The following ACOT8 variants were observed in gnomAD, a reference collection of about 807,000 sequenced individuals.
The protein encoded by ACOT8 is acyl-CoA thioesterase 8, also known as acyl-coenzyme A thioesterase 8.
ACOT8 carries 31 observed loss-of-function variants against 38.4 expected under a neutral mutation model. That is an observed-to-expected ratio of 0.81 (90% confidence interval 0.61 to 1.09). The LOEUF (loss-of-function observed/expected upper bound fraction) is 1.09, where lower values mean the gene tolerates loss of function less well. Ranked by LOEUF, ACOT8 falls within the 50% of genes least tolerant of loss-of-function variation. The pLI is 0.00. For synonymous variants in ACOT8, 158 were observed against 170.3 expected, an observed-to-expected ratio of 0.93 and a Z score of 0.56; for missense variants, 373 against 421.8, an observed-to-expected ratio of 0.88 and a Z score of 1.01.
At chr20:45,843,020 G>A (rs6017703) in intron 5 of ACOT8, 45 of 1,097,648 alleles carry the variant, frequency 4.1e-5, no homozygotes, top group Middle Eastern at 8.7e-4. Flanking sequence ...TGAATGCCCC[G>A]ATCCCAATCA....
intron 2 of ACOT8, among the ~76,000 whole-genome samples, chr20:45,849,472 A>G: frequency 1.2e-5 from 1 of 84,054 alleles, no homozygotes; most frequent in Admixed American, 1.4e-4. Context: ...TTTTTTTGAG[A>G]GACAGTTTCG....
At chr20:45,844,169 C>T in intron 4 of ACOT8, 94 bp downstream of exon 4, 1 of 1,542,416 alleles carries the variant, frequency 6.5e-7, no homozygotes. Flanking sequence ...GGAAACAGGC[C>T]CAGAGAAGGG....
chr20:45,854,039 T>A (rs1051917531), intron 2 of ACOT8: 12 of 1,197,256 alleles, frequency 1.0e-5, no homozygotes, highest in Non-Finnish European at 1.2e-5. Flanking sequence ...GTTTGTTTTT[T>A]AGCATAGGTT....
chr20:45,856,281 T>C (rs1410846787), intron 1 of ACOT8, among the ~76,000 whole-genome samples: 3 of 151,222 alleles, frequency 2.0e-5, no homozygotes, highest in Non-Finnish European at 4.4e-5. Context: ...AAAAATCAAA[T>C]AGCCCTCCAA....
intron 1 of ACOT8, 24 bp downstream of exon 1, chr20:45,857,164 T>TG (rs1341458213): frequency 1.2e-6 from 2 of 1,605,598 alleles, no homozygotes; most frequent in Admixed American, 3.4e-5. Context: ...AAGGAGGGGA[T>TG]GCTGGGCAGG....
chr20:45,848,699 T>C, intron 2 of ACOT8, 24 bp from the exon 3 acceptor site: 1 of 1,578,634 alleles, frequency 6.3e-7, no homozygotes, highest in Non-Finnish European at 8.6e-7. Context: ...AAGGACACAG[T>C]GGGTCCACAG....
intron 2 of ACOT8, chr20:45,854,122 A>AT: frequency 1.9e-6 from 1 of 514,780 alleles, no homozygotes; most frequent in Non-Finnish European, 3.2e-6. Context: ...CTGGTCTTGA[A>AT]TTCCTGGGTT....
At chr20:45,842,792 TATCA>T (rs2145755976) in intron 5 of ACOT8, 2 of 990,458 alleles carry the variant, frequency 2.0e-6, no homozygotes, top group South Asian at 9.2e-5. Flanking sequence ...ACTTCAAGGT[TATCA>T]ATCTTGGATT....
chr20:45,852,050 C>T (rs866017925), intron 2 of ACOT8, among the ~76,000 whole-genome samples: 1 of 152,004 alleles, frequency 6.6e-6, no homozygotes, highest in Admixed American at 6.6e-5. Context: ...AGTGCAGTGG[C>T]GCAGTTTTAG....
rs1451549529 is a variant in ACOT8, at chr20:45,855,163, C to A, written c.258G>T (p.Arg86=). The A allele has an allele frequency of 6.2e-7, 1 of 1,613,832 alleles. No individual in the cohort carries two copies. The highest frequency in any genetic ancestry group is 8.5e-7 in the Non-Finnish European group (1 of 1,179,868). The change falls in exon 2 of 6, where the codon CGG becomes CGT. Residue 86 remains arginine (R), a synonymous_variant. Transcript: ENST00000217455. ...HVHSLHCYFV[R]AGDPKLPVLY... ...GGCAGGAAGTGGGGGGTTTACCTGC[C>A]CGAACAAAGTAGCAGTGCAGGGAGT...
chr20:45,851,235 T>C (rs1340352833), intron 2 of ACOT8, among the ~76,000 whole-genome samples: 3 of 152,080 alleles, frequency 2.0e-5, no homozygotes, highest in Admixed American at 6.6e-5. Context: ...TCTATCAGAG[T>C]GCGAGCTCCT....
At chr20:45,842,301 A>G (rs1984260691) in intron 5 of ACOT8, 1 of 1,422,540 alleles carries the variant, frequency 7.0e-7, no homozygotes, top group Non-Finnish European at 9.1e-7. Context: ...ACAGTTTAAA[A>G]GCACTTTCAC....
rs761756346 is a variant in ACOT8, at chr20:45,857,346, G to A, written c.-31C>T. The stretch of plus-strand genomic sequence containing the variant: ...TCAATGCTGCAGGCCCTGCACACCC[G>A]CTCCGCGGAAGACGCGGAGACATAC... On this transcript the variant is annotated 5_prime_UTR_variant, in exon 1 of 6. Transcript: ENST00000217455. The A allele has an allele frequency of 3.2e-6, 5 of 1,571,274 alleles. No homozygotes were observed. Among genetic ancestry groups the A allele is most frequent in the Admixed American group, 1.9e-5 (1 of 53,176 alleles).
intron 5 of ACOT8, chr20:45,842,492 C>T (rs142149329): frequency 3.6e-5 from 37 of 1,022,948 alleles, no homozygotes; most frequent in Admixed American, 5.2e-5. Context: ...AATATCCCCA[C>T]TACCACCACC....
At chr20:45,846,165 T>C (rs1052539170) in intron 3 of ACOT8, among the ~76,000 whole-genome samples, 2 of 152,216 alleles carry the variant, frequency 1.3e-5, no homozygotes, top group Non-Finnish European at 2.9e-5. Context: ...TAATGTAATA[T>C]AGCCACGAGT....
chr20:45,855,126 G>A (rs1430846120), intron 2 of ACOT8, 33 bp downstream of exon 2: 20 of 1,610,486 alleles, frequency 1.2e-5, no homozygotes, highest in Non-Finnish European at 1.6e-5. Flanking sequence ...TGGGCCACCA[G>A]GGTTGGGTTG....
intron 1 of ACOT8, among the ~76,000 whole-genome samples, chr20:45,855,968 C>T (rs567999084): frequency 2.6e-5 from 4 of 152,204 alleles, no homozygotes; most frequent in South Asian, 4.2e-4. Flanking sequence ...GAGTTATGAA[C>T]AGCCCTCCAT....
chr20:45,845,619 A>G (rs558071594), intron 3 of ACOT8, among the ~76,000 whole-genome samples: 2 of 152,204 alleles, frequency 1.3e-5, no homozygotes, highest in African/African-American at 4.8e-5. Flanking sequence ...ACTCCCTTCA[A>G]TACAGTGACA....
intron 5 of ACOT8, 199 bp downstream of exon 5, chr20:45,843,328 A>G (rs1984395729): frequency 2.5e-6 from 2 of 789,362 alleles, no homozygotes; most frequent in Non-Finnish European, 4.2e-6. Context: ...TTTCCAGCAC[A>G]TTCTAGAAAT....
Sources: gnomAD v4.1 joint callset for allele counts (sites outside exome capture counted in the v4.1 genomes callset) on GRCh38, gnomAD v4.1.1 for gene constraint, MANE v1.5 for transcripts, NCBI Gene and HGNC (gene_info 2026-07-23, HGNC 2026-07-21) for gene names.